Variants in CSGALNACT2 observed in about 807,000 individuals in gnomAD.
CSGALNACT2 encodes chondroitin sulfate N-acetylgalactosaminyltransferase 2.
Under a neutral mutation model 55.3 loss-of-function variants are expected in CSGALNACT2, and 35 were observed. The observed-to-expected ratio is 0.63, with a 90% CI of 0.48 to 0.84. The LOEUF (loss-of-function observed/expected upper bound fraction) is 0.84. CSGALNACT2 is among the 40% of genes least tolerant of loss of function. CSGALNACT2 has a pLI of 0.00. For missense variants in CSGALNACT2, 544 were observed against 657.5 expected, an observed-to-expected ratio of 0.83 and a Z score of 1.89; for synonymous variants, 196 against 224.9, an observed-to-expected ratio of 0.87 and a Z score of 1.15.
At position 43,154,257 on chromosome 10, in the gene CSGALNACT2, G is replaced by C. The variant is rs555636585; in HGVS notation, c.-253-640G>C. Among the ~76,000 whole-genome samples, 3 of 152,280 alleles carry C rather than the reference G, an allele frequency of 2.0e-5. No individual in the cohort carries two copies. In the South Asian group the frequency reaches 6.2e-4, roughly 32 times the overall value. On this transcript the variant is annotated intron_variant, in intron 1 of 7. Transcript: ENST00000374466. The stretch of plus-strand genomic sequence containing the variant: ...TTAGTTGGGAAATGGTGCGGTAATT[G>C]AAATACTATGTTAATAAAGAGTTAT...
chr10:43,155,853 A>C, intron 2 of CSGALNACT2, 43 bp downstream of exon 2: 1 of 1,476,476 alleles, frequency 6.8e-7, no homozygotes, highest in Non-Finnish European at 9.3e-7. Flanking sequence ...TTAGTAAGAC[A>C]AATGCTAGTA....
At chr10:43,173,543 C>A (rs1839422130) in intron 6 of CSGALNACT2, among the ~76,000 whole-genome samples, 1 of 152,172 alleles carries the variant, frequency 6.6e-6, no homozygotes, top group Admixed American at 6.5e-5. Flanking sequence ...CCAATGATTC[C>A]TTTTTCCAAG....
chr10:43,158,592 A>G, intron 2 of CSGALNACT2, 123 bp from the exon 3 acceptor site: 1 of 611,334 alleles, frequency 1.6e-6, no homozygotes, highest in Non-Finnish European at 2.9e-6. Context: ...ATTTTCACAA[A>G]TAGGTAAAAA....
At position 43,184,465 on chromosome 10, in the gene CSGALNACT2, A is replaced by T. The variant is rs949961282; in HGVS notation, c.*923A>T. ...ATTTGGCATGGATCCATATGTATTT[A>T]CTATCCTTTTTCTAATATATTAATA... On this transcript the variant is annotated 3_prime_UTR_variant, in exon 8 of 8. Coordinates refer to ENST00000374466, the MANE Select transcript of CSGALNACT2 (RefSeq NM_018590.5). 2 of 152,146 alleles carry T rather than the reference A, an allele frequency of 1.3e-5. No individual in the cohort carries two copies. Among genetic ancestry groups the T allele is most frequent in the African/African-American group, 4.8e-5 (2 of 41,426 alleles). The allele number at this position is 152,146 out of a possible 1,614,324, so 9.4% of individuals were successfully genotyped here.
At chr10:43,176,753 G>A (rs1302493294) in intron 7 of CSGALNACT2, among the ~76,000 whole-genome samples, 1 of 152,136 alleles carries the variant, frequency 6.6e-6, no homozygotes, top group Non-Finnish European at 1.5e-5. Context: ...GTTTTGTAGA[G>A]GCGGAGCTTC....
At chr10:43,159,136 TAA>T (rs1760884194) in intron 3 of CSGALNACT2, among the ~76,000 whole-genome samples, 1 of 152,198 alleles carries the variant, frequency 6.6e-6, no homozygotes, top group African/African-American at 2.4e-5. Flanking sequence ...TGAAATAAAT[TAA>T]GAGTGACACC....
At chr10:43,147,376 T>A (rs1045567376) in intron 1 of CSGALNACT2, among the ~76,000 whole-genome samples, 1 of 152,252 alleles carries the variant, frequency 6.6e-6, no homozygotes, top group Non-Finnish European at 1.5e-5. Context: ...TTAAAATATA[T>A]TCTTGGTACA....
At chr10:43,165,394 G>A (rs1240415636) in intron 5 of CSGALNACT2, among the ~76,000 whole-genome samples, 1 of 151,664 alleles carries the variant, frequency 6.6e-6, no homozygotes, top group Admixed American at 6.6e-5. Flanking sequence ...GGTTAATTAT[G>A]TGAGGTGATG....
chr10:43,146,601 C>G (rs890158762), intron 1 of CSGALNACT2, among the ~76,000 whole-genome samples: 2 of 152,120 alleles, frequency 1.3e-5, no homozygotes, highest in African/African-American at 4.8e-5. Flanking sequence ...GTAGTGGCTC[C>G]CACTTGTAGC....
chr10:43,161,244 T>C (rs930678148), intron 4 of CSGALNACT2, among the ~76,000 whole-genome samples: 3 of 152,268 alleles, frequency 2.0e-5, no homozygotes, highest in African/African-American at 7.2e-5. Flanking sequence ...CAAATTCTTT[T>C]CTGTTATTCT....
At chr10:43,154,053 A>G (rs1418005771) in intron 1 of CSGALNACT2, among the ~76,000 whole-genome samples, 1 of 152,192 alleles carries the variant, frequency 6.6e-6, no homozygotes, top group Non-Finnish European at 1.5e-5. Context: ...GAGCTTTTGA[A>G]GTTGTTCTTT....
chr10:43,162,772 A>T lies in CSGALNACT2; in HGVS notation c.981-1094A>T, dbSNP rs1839179629. 4.4e-6 allele frequency: 4 copies of T among 910,040 alleles called. No homozygotes were observed. The African/African-American group carries it at 5.4e-5, about 12-fold the overall frequency. The allele number at this position is 910,040 out of a possible 1,614,324, so 56.4% of individuals were successfully genotyped here. ...AATGTAGAGGCTTCTCTCCAGCCCT[A>T]GCATCTGATTCAGTGGGTCTGGCTG... On this transcript the variant is annotated intron_variant, in intron 4 of 7. Coordinates refer to ENST00000374466, the MANE Select transcript of CSGALNACT2 (RefSeq NM_018590.5).
chr10:43,150,976 G>A (rs1167463071), intron 1 of CSGALNACT2, among the ~76,000 whole-genome samples: 1 of 152,004 alleles, frequency 6.6e-6, no homozygotes. Flanking sequence ...TATCTAATCT[G>A]CCATTAATCC....
rs930486090 is a variant in CSGALNACT2, at chr10:43,154,905, C to T, written c.-245C>T. 2.2e-6 allele frequency: 1 copy of T among 462,054 alleles called. No individual in the cohort carries two copies. The allele number at this position is 462,054 out of a possible 1,614,324, so 28.6% of individuals were successfully genotyped here. ...TGATCTGTGTCTTTCAGAAAAATCACTACCAATATAATGGATTTTATATAT... is the reference window on the plus strand; with the variant it reads ...TGATCTGTGTCTTTCAGAAAAATCATTACCAATATAATGGATTTTATATAT... On this transcript the variant is annotated 5_prime_UTR_variant, in exon 2 of 8. Coordinates refer to ENST00000374466, the MANE Select transcript of CSGALNACT2 (RefSeq NM_018590.5).
chr10:43,168,938 T>A (rs1839327849), intron 6 of CSGALNACT2, among the ~76,000 whole-genome samples: 1 of 152,214 alleles, frequency 6.6e-6, no homozygotes. Flanking sequence ...GACTAGAATG[T>A]GTTCAAGAGA....
chr10:43,176,709 C>T (rs1047200111), intron 7 of CSGALNACT2, among the ~76,000 whole-genome samples: 2 of 152,170 alleles, frequency 1.3e-5, no homozygotes, highest in Admixed American at 6.5e-5. Context: ...TGACCACAGG[C>T]GTGCACCACC....
Position 43,139,580 on chromosome 10 carries a change from C to T in CSGALNACT2, c.-254+1013C>T, listed in dbSNP as rs116352812. 7.0e-3 allele frequency among the ~76,000 whole-genome samples: 1,063 copies of T among 152,320 alleles called. 19 individuals carry two copies. The highest frequency in any genetic ancestry group is 0.024 in the African/African-American group (1,006 of 41,562). On this transcript the variant is annotated intron_variant, in intron 1 of 7. Coordinates refer to ENST00000374466, the MANE Select transcript of CSGALNACT2 (RefSeq NM_018590.5). The stretch of plus-strand genomic sequence containing the variant: ...AATGAATTTTTACATACTTATTACC[C>T]TGTGGAACCACCAGATATATCAAAT...
chr10:43,177,179 TAAGC>T (rs1343090462), intron 7 of CSGALNACT2, among the ~76,000 whole-genome samples: 4 of 152,214 alleles, frequency 2.6e-5, no homozygotes, highest in African/African-American at 9.6e-5. Flanking sequence ...CTTGCTTAGT[TAAGC>T]AAGCAGCATT....
intron 1 of CSGALNACT2, among the ~76,000 whole-genome samples, chr10:43,144,417 G>C (rs966275757): frequency 6.6e-6 from 1 of 152,140 alleles, no homozygotes; most frequent in African/African-American, 2.4e-5. Flanking sequence ...CAAGTCACAA[G>C]GCAAGGAGAA....
Sources: allele counts gnomAD v4.1 joint callset (sites outside exome capture counted in the v4.1 genomes callset), GRCh38; gene constraint gnomAD v4.1.1; transcripts MANE v1.5; gene names NCBI Gene and HGNC (gene_info 2026-07-23, HGNC 2026-07-21).